The following TNIK variants were observed in gnomAD, a reference collection of about 807,000 sequenced individuals.
TNIK encodes the protein TRAF2 and NCK interacting kinase, also known as TRAF2 and NCK-interacting protein kinase.
Under a neutral mutation model 191.3 loss-of-function variants are expected in TNIK, and 49 were observed. The ratio of observed to expected loss-of-function variants is 0.26; its 90% CI spans 0.20 to 0.32. The LOEUF is 0.32. TNIK is among the 10% of genes least tolerant of loss of function. The pLI is 1.00. For synonymous variants in TNIK, 594 were observed against 600.9 expected (o/e 0.99, Z 0.17); for missense variants, 1,155 against 1,702.3 (o/e 0.68, Z 5.66).
At chr3:171,309,557 A>C (rs1389524177) in intron 2 of TNIK, among the ~76,000 whole-genome samples, 2 of 152,130 alleles carry the variant, frequency 1.3e-5, no homozygotes, top group African/African-American at 2.4e-5. Flanking sequence ...CCAAAATCAA[A>C]GTTTAAAAAA....
chr3:171,104,252 TTTATAATAGCAAAG>T (rs562071400), intron 21 of TNIK, among the ~76,000 whole-genome samples: 3 of 152,090 alleles, frequency 2.0e-5, no homozygotes, highest in Non-Finnish European at 4.4e-5. Context: ...TATTGAAAAA[TTTATAATAGCAAAG>T]TTATAGGAAA....
Position 171,063,724 on chromosome 3 carries a change from G to T in TNIK, c.*157C>A. The T allele has an allele frequency of 1.6e-6, 1 of 607,094 alleles. No homozygotes were observed. Among genetic ancestry groups the T allele is most frequent in the Non-Finnish European group, 2.7e-6 (1 of 364,580 alleles). The allele number at this position is 607,094 out of a possible 1,614,324, so 37.6% of individuals were successfully genotyped here. On this transcript the variant is annotated 3_prime_UTR_variant, in exon 33 of 33. Transcript: ENST00000436636. ...CAACCAGGCTGCAACATTGAAAGAT[G>T]GACTGTACTGGGAGGGGCGGAGGGA... is the stretch of plus-strand genomic sequence containing the variant.
At chr3:171,208,840 G>A (rs1192509661) in intron 4 of TNIK, among the ~76,000 whole-genome samples, 3 of 152,094 alleles carry the variant, frequency 2.0e-5, no homozygotes, top group East Asian at 1.9e-4. Flanking sequence ...GATTACAGGC[G>A]TGAGCCACCC....
chr3:171,125,786 CA>C, intron 17 of TNIK, 125 bp downstream of exon 17: 1 of 1,419,316 alleles, frequency 7.0e-7, no homozygotes, highest in Non-Finnish European at 9.6e-7. Flanking sequence ...GGGACCAAAA[CA>C]AACATGAGAA....
At chr3:171,200,610 A>C (rs916152303) in intron 4 of TNIK, among the ~76,000 whole-genome samples, 1 of 152,210 alleles carries the variant, frequency 6.6e-6, no homozygotes, top group Admixed American at 6.5e-5. Flanking sequence ...CCTCAGCCTC[A>C]GCTGATTCCA....
intron 2 of TNIK, among the ~76,000 whole-genome samples, chr3:171,355,682 T>C (rs1393234209): frequency 6.6e-6 from 1 of 152,242 alleles, no homozygotes; most frequent in African/African-American, 2.4e-5. Context: ...CCTGGGTTAC[T>C]GATGTTATAT....
chr3:171,345,537 G>T (rs2108418201), intron 2 of TNIK, among the ~76,000 whole-genome samples: 1 of 151,928 alleles, frequency 6.6e-6, no homozygotes, highest in East Asian at 1.9e-4. Context: ...CTATGGTTAT[G>T]GATTTCTAAT....
intron 4 of TNIK, among the ~76,000 whole-genome samples, chr3:171,203,923 A>G (rs1739734508): frequency 6.6e-6 from 1 of 152,210 alleles, no homozygotes; most frequent in South Asian, 2.1e-4. Context: ...TGACCACCCT[A>G]CATTTCAGAA....
intron 2 of TNIK, among the ~76,000 whole-genome samples, chr3:171,312,242 AT>A (rs1754118541): frequency 6.6e-6 from 1 of 151,912 alleles, no homozygotes; most frequent in African/African-American, 2.4e-5. Flanking sequence ...CAAAAGATTA[AT>A]AAAAGTTATC....
At chr3:171,103,416 ACTT>A (rs1318290109) in intron 21 of TNIK, among the ~76,000 whole-genome samples, 3 of 152,300 alleles carry the variant, frequency 2.0e-5, no homozygotes, top group East Asian at 1.9e-4. Flanking sequence ...TTCAACTTTT[ACTT>A]CTTATTTCCT....
chr3:171,161,626 A>G (rs1181552450), intron 10 of TNIK, among the ~76,000 whole-genome samples: 1 of 152,210 alleles, frequency 6.6e-6, no homozygotes, highest in Non-Finnish European at 1.5e-5. Context: ...TCAATTAAAA[A>G]TAACTTGTTT....
Position 171,140,414 on chromosome 3 carries a change from A to G in TNIK, c.1317T>C (p.Arg439=). The part of the protein sequence containing the change: ...EQMRREEERR[R]AEHEQEYIRR... ...CCAGCTGTACCTGTTCATGCTCCGC[A>G]CGCCTCCTCTCCTCCTCCCGGCGCA... Residue 439 remains arginine (R), a synonymous_variant, in exon 13 of 33, where the codon CGT becomes CGC. Transcript: ENST00000436636. 1 of 1,600,850 alleles carries G rather than the reference A, an allele frequency of 6.2e-7. No individual in the cohort carries two copies. Among genetic ancestry groups the G allele is most frequent in the Non-Finnish European group, 8.5e-7 (1 of 1,173,654 alleles).
Position 171,066,560 on chromosome 3 carries a change from G to A in TNIK, c.3859+16C>T, listed in dbSNP as rs140482324. The A allele has an allele frequency of 4.1e-4, 659 of 1,612,364 alleles. 3 individuals are homozygous for A. The African/African-American group carries it at 7.3e-3, about 18-fold the overall frequency. On this transcript the variant is annotated intron_variant, in intron 31 of 32. Transcript: ENST00000436636. ...GGGGTGTAACTGCTGAAGGAGATAA[G>A]GAATGGTTAACCTACCCACAGACGT...
Position 171,079,620 on chromosome 3 carries a change from A to G in TNIK, c.3346T>C (p.Ser1116Pro). ...TGTAGTATTCTGTTTCTTAACCATG[A>G]AAGATAGTAAACTCGTAGCTTATTC... The part of the protein sequence containing the change: ...KKNKLRVYYL[S>P]WLRNRILHND... Residue 1116 changes from serine to proline, a missense_variant, in exon 28 of 33, where the codon TCA (serine) becomes CCA (proline). Ser to Pro is a moderately conservative substitution (Grantham distance 74). This residue lies in a region of TNIK where 195 missense variants were observed against 415.4 expected (regional missense o/e 0.47). Transcript: ENST00000436636. 1.2e-6 allele frequency: 2 copies of G among 1,612,942 alleles called. No homozygotes were observed. Among genetic ancestry groups the G allele is most frequent in the Non-Finnish European group, 1.7e-6 (2 of 1,179,408 alleles).
At chr3:171,101,395 T>A in intron 22 of TNIK, 54 bp downstream of exon 22, 1 of 1,527,928 alleles carries the variant, frequency 6.5e-7, no homozygotes, top group Non-Finnish European at 8.8e-7. Context: ...TTTGTCCTTT[T>A]ATTTTGGAAA....
intron 3 of TNIK, among the ~76,000 whole-genome samples, chr3:171,222,588 C>G (rs1206797228): frequency 2.0e-5 from 3 of 152,180 alleles, no homozygotes; most frequent in African/African-American, 4.8e-5. Flanking sequence ...GTCCACCTTA[C>G]TCTTCCAAAC....
intron 2 of TNIK, chr3:171,347,252 A>G: frequency 6.6e-7 from 1 of 1,526,146 alleles, no homozygotes; most frequent in Non-Finnish European, 8.8e-7. Flanking sequence ...GAAAAATGAC[A>G]AAACCCTAGC....
At chr3:171,421,845 C>A (rs1723845591) in intron 1 of TNIK, among the ~76,000 whole-genome samples, 1 of 149,726 alleles carries the variant, frequency 6.7e-6, no homozygotes, top group Non-Finnish European at 1.5e-5. Flanking sequence ...AATTATCCTG[C>A]CTCAGCCTCC....
intron 4 of TNIK, among the ~76,000 whole-genome samples, chr3:171,206,842 C>T (rs79367075): frequency 0.023 from 3,494 of 152,166 alleles, 124 homozygotes; most frequent in African/African-American, 0.081. Context: ...CCTCAACCAA[C>T]GATTCGTAAA....
Sources: gnomAD v4.1 joint callset for allele counts (sites outside exome capture counted in the v4.1 genomes callset) on GRCh38, gnomAD v4.1.1 for gene constraint, gnomAD v4.1.1 regional missense constraint, MANE v1.5 for transcripts, NCBI Gene and HGNC (gene_info 2026-07-23, HGNC 2026-07-21) for gene names.